The following BEX2 variants were observed in gnomAD, a reference collection of about 807,000 sequenced individuals.
BEX2 encodes the protein brain expressed X-linked 2.
Under a neutral mutation model 4.1 loss-of-function variants are expected in BEX2, and 2 were observed. The observed-to-expected ratio is 0.49, with a 90% CI of 0.20 to 1.53. BEX2 has a LOEUF of 1.53. BEX2 is among the 40% of genes most tolerant of loss of function. BEX2 has a pLI of 0.23. For synonymous variants in BEX2, 34 were observed against 35.9 expected, an observed-to-expected ratio of 0.95 and a Z score of 0.19; for missense variants, 94 against 99.9, an observed-to-expected ratio of 0.94 and a Z score of 0.25.
chrX:103,310,168 T>C (rs1926148667), intron 2 of BEX2, among the ~76,000 whole-genome samples, 187 bp from the exon 3 acceptor site: 1 of 110,654 alleles, frequency 9.0e-6, no homozygotes, highest in Non-Finnish European at 1.9e-5. Context: ...GTCTGTGCCC[T>C]TCTCTCCCGC....
At chrX:103,310,287 A>G in intron 2 of BEX2, 71 bp downstream of exon 2, 1 of 1,064,486 alleles carries the variant, frequency 9.4e-7, no homozygotes, top group Non-Finnish European at 1.2e-6. Context: ...GGGTGAAGGC[A>G]CGGATTGGGG....
rs761610211 is a variant in BEX2, at chrX:103,309,569, C to A, written c.*21G>T. The A allele has an allele frequency of 8.3e-7, 1 of 1,206,470 alleles. No homozygotes were observed. Among genetic ancestry groups the A allele is most frequent in the Non-Finnish European group, 1.1e-6 (1 of 892,394 alleles). Reference sequence around the variant, plus strand: ...TAGGAAGCAGGGGTCTCCCTATTAACTTCAGGGAAACCATCAGGATTCAGG... The same window carrying A: ...TAGGAAGCAGGGGTCTCCCTATTAAATTCAGGGAAACCATCAGGATTCAGG... On this transcript the variant is annotated 3_prime_UTR_variant, in exon 3 of 3. Coordinates refer to ENST00000372677, the MANE Select transcript of BEX2 (RefSeq NM_032621.4).
In BEX2 at chrX:103,309,950, T is replaced by C; in HGVS notation, c.27A>G (p.Leu9=). The C allele has an allele frequency of 8.3e-7, 1 of 1,207,260 alleles. No individual in the cohort carries two copies. MESKEERA[L]NNLIVENVNQ... ...TGACATTTTCCACGATGAGATTGTT[T>C]AACGCTCGTTCCTCTTTGGACTCCA... The change falls in exon 3 of 3, where the codon TTA becomes TTG. Residue 9 remains leucine (L), a synonymous_variant. Coordinates refer to ENST00000372677, the MANE Select transcript of BEX2 (RefSeq NM_032621.4).
chrX:103,310,552 C>G (rs1228661278), intron 1 of BEX2, 119 bp from the exon 2 acceptor site: 9 of 1,151,831 alleles, frequency 7.8e-6, no homozygotes, highest in Admixed American at 7.8e-5. Flanking sequence ...CTCTCGCCCC[C>G]CGCCTCAGCC....
Position 103,310,288 on chromosome X carries a change from C to T in BEX2, c.-6+70G>A, listed in dbSNP as rs1023431087. The T allele has an allele frequency of 6.6e-6, 7 of 1,063,629 alleles. No individual in the cohort carries two copies. The Admixed American group carries it at 1.4e-4, about 21-fold the overall frequency. The allele number at this position is 1,063,629 out of a possible 1,213,427, so 87.7% of individuals were successfully genotyped here. On this transcript the variant is annotated intron_variant, in intron 2 of 2. Coordinates refer to ENST00000372677, the MANE Select transcript of BEX2 (RefSeq NM_032621.4). ...ATTGCTAAGTGTGGGGGTGAAGGCA[C>T]GGATTGGGGTCTCAGACTGGGCTTT...
chrX:103,310,129 A>G lies in BEX2; in HGVS notation c.-5-148T>C, dbSNP rs768675898. The G allele has an allele frequency of 1.9e-4, 150 of 781,003 alleles. No individual in the cohort carries two copies. The African/African-American group carries it at 2.9e-3, about 15-fold the overall frequency. 64.4% of individuals were successfully genotyped at this position (781,003 alleles called of 1,213,427 possible). A position where few individuals can be genotyped will look rare whatever the true frequency, so the allele number is the denominator to read the frequency against. On this transcript the variant is annotated intron_variant, in intron 2 of 2. Coordinates refer to ENST00000372677, the MANE Select transcript of BEX2 (RefSeq NM_032621.4). Reference sequence around the variant, plus strand: ...ATTTTTTTTCCACCAGAGAGGCCCCATGTACCCTCGGGGGGGCGAGGGGAG... The same window carrying G: ...ATTTTTTTTCCACCAGAGAGGCCCCGTGTACCCTCGGGGGGGCGAGGGGAG...
chrX:103,310,574 C>A (rs1236398818), intron 1 of BEX2, 141 bp from the exon 2 acceptor site: 2 of 1,156,050 alleles, frequency 1.7e-6, no homozygotes, highest in South Asian at 1.9e-5. Flanking sequence ...CCCAGCCCCC[C>A]AAGCTGACCA....
intron 2 of BEX2, 115 bp from the exon 3 acceptor site, chrX:103,310,096 T>A (rs1182051457): frequency 4.2e-6 from 4 of 948,884 alleles, no homozygotes; most frequent in Admixed American, 3.3e-5. Context: ...AGGCCTTTTT[T>A]AAATTTCATT....
Position 103,309,420 on chromosome X carries a change from G to A in BEX2, c.*170C>T, listed in dbSNP as rs1168457315. ...TCCATGCAATAGGTAAAACTCTCCT[G>A]CTGACAGAAACTTACAAACTGGGTC... is the stretch of plus-strand genomic sequence containing the variant. On this transcript the variant is annotated 3_prime_UTR_variant, in exon 3 of 3. Coordinates refer to ENST00000372677, the MANE Select transcript of BEX2 (RefSeq NM_032621.4). The A allele has an allele frequency of 1.4e-6, 1 of 731,251 alleles. No homozygotes were observed. The highest frequency in any genetic ancestry group is 3.3e-5 in the East Asian group (1 of 30,038). 60.3% of individuals were successfully genotyped at this position (731,251 alleles called of 1,213,427 possible).
In BEX2 at chrX:103,309,990, CAG is replaced by C. The variant is rs1926140985; in HGVS notation, c.-5-11_-5-10del. Reference sequence around the variant, plus strand: ...TTTGGACTCCATTACTCCTAGGAGACAGAGAGAAAATGGACTCAATTCTTGGT... The same window carrying C: ...TTTGGACTCCATTACTCCTAGGAGACAGAGAAAATGGACTCAATTCTTGGT... On this transcript the variant is annotated splice_polypyrimidine_tract_variant and intron_variant, in intron 2 of 2. Transcript: ENST00000372677. 4 of 1,187,611 alleles carry C rather than the reference CAG, an allele frequency of 3.4e-6. No homozygotes were observed. Among genetic ancestry groups the C allele is most frequent in the Non-Finnish European group, 4.5e-6 (4 of 884,692 alleles).
rs149711551 is a variant in BEX2 at position 103,309,814 on chromosome X, G to T, written c.163C>A (p.Arg55=). The part of the protein sequence containing the change: ...EYCVPRGNRR[R]FRVRQPILQY... ...AGGATGGGCTGCCTAACGCGGAACCGCCTACGGTTTCCTCTAGGCACACAG... is the reference window on the plus strand; with the variant it reads ...AGGATGGGCTGCCTAACGCGGAACCTCCTACGGTTTCCTCTAGGCACACAG... Residue 55 remains arginine, a synonymous_variant, in exon 3 of 3, where the codon CGG becomes AGG. Transcript: ENST00000372677. 5.4e-4 allele frequency: 652 copies of T among 1,210,291 alleles called. 5 individuals carry two copies. The African/African-American group carries it at 9.6e-3, about 18-fold the overall frequency.
intron 2 of BEX2, among the ~76,000 whole-genome samples, 186 bp downstream of exon 2, chrX:103,310,172 C>A (rs1253469584): frequency 9.0e-6 from 1 of 110,760 alleles, no homozygotes; most frequent in Non-Finnish European, 1.9e-5. Context: ...GTGCCCTTCT[C>A]TCCCGCAAAG....
intron 2 of BEX2, 66 bp downstream of exon 2, chrX:103,310,292 T>C (rs1926153548): frequency 7.5e-6 from 8 of 1,071,314 alleles, no homozygotes; most frequent in South Asian, 2.1e-5. Flanking sequence ...AAGGCACGGA[T>C]TGGGGTCTCA....
Position 103,309,752 on chromosome X carries a change from C to T in BEX2, c.225G>A (p.Glu75=), listed in dbSNP as rs766616469. The change falls in exon 3 of 3, where the codon GAG becomes GAA. Residue 75 remains glutamate (E), a synonymous_variant. Transcript: ENST00000372677. The part of the protein sequence containing the change: ...YRWDIMHRLG[E]PQARMREENM... ...TCTCCTCTCTCATCCTTGCCTGTGG[C>T]TCTCCAAGCCTATGCATTATGTCCC... 8.3e-6 allele frequency: 10 copies of T among 1,209,835 alleles called. No homozygotes were observed. The highest frequency in any genetic ancestry group is 2.2e-5 in the Admixed American group (1 of 45,735).
At chrX:103,310,503 C>G (rs1926167581) in intron 1 of BEX2, 70 bp from the exon 2 acceptor site, 1 of 1,147,903 alleles carries the variant, frequency 8.7e-7, no homozygotes, top group East Asian at 3.3e-5. Flanking sequence ...CGCCGCCACC[C>G]GGCCCCTTCC....
In BEX2 at chrX:103,309,525, C is replaced by A; in HGVS notation, c.*65G>T. On this transcript the variant is annotated 3_prime_UTR_variant, in exon 3 of 3. Coordinates refer to ENST00000372677, the MANE Select transcript of BEX2 (RefSeq NM_032621.4). ...CATCAAAACGTTTACGACAAAGGTACACCACAAATGTGTAAGTTTAGGAAG... is the reference window on the plus strand; with the variant it reads ...CATCAAAACGTTTACGACAAAGGTAAACCACAAATGTGTAAGTTTAGGAAG... 8.5e-7 allele frequency: 1 copy of A among 1,170,989 alleles called. No homozygotes were observed. Among genetic ancestry groups the A allele is most frequent in the Non-Finnish European group, 1.1e-6 (1 of 873,084 alleles).
intron 2 of BEX2, 103 bp from the exon 3 acceptor site, chrX:103,310,084 A>G: frequency 1.0e-6 from 1 of 984,274 alleles, no homozygotes; most frequent in Non-Finnish European, 1.4e-6. Context: ...CCTGGATTTC[A>G]AAGGCCTTTT....
At chrX:103,310,289 G>T in intron 2 of BEX2, 69 bp downstream of exon 2, 3 of 1,068,956 alleles carry the variant, frequency 2.8e-6, no homozygotes, top group Non-Finnish European at 3.7e-6. Context: ...GTGAAGGCAC[G>T]GATTGGGGTC....
rs1926126857 is a variant in BEX2 at position 103,309,735 on chromosome X, C to G, written c.242G>C (p.Arg81Thr). Residue 81 changes from arginine (R) to threonine (T), a missense_variant, in exon 3 of 3, where the codon AGA (arginine) becomes ACA (threonine). Coordinates refer to ENST00000372677, the MANE Select transcript of BEX2 (RefSeq NM_032621.4). ...HRLGEPQARM[R>T]EENMERIGEE... ...CCCAATCCTTTCCATATTCTCCTCT[C>G]TCATCCTTGCCTGTGGCTCTCCAAG... 1 of 1,209,592 alleles carries G rather than the reference C, an allele frequency of 8.3e-7. No homozygotes were observed. Among genetic ancestry groups the G allele is most frequent in the Non-Finnish European group, 1.1e-6 (1 of 895,159 alleles).
Sources: gnomAD v4.1 joint callset for allele counts (sites outside exome capture counted in the v4.1 genomes callset) on GRCh38, gnomAD v4.1.1 for gene constraint, MANE v1.5 for transcripts, NCBI Gene and HGNC (gene_info 2026-07-23, HGNC 2026-07-21) for gene names.